ANKRD2: variants seen among roughly 807,000 people sequenced by gnomAD.
The protein encoded by ANKRD2 is ankyrin repeat domain 2.
ANKRD2 carries 35 observed loss-of-function variants against 37.3 expected under a neutral mutation model. The ratio of observed to expected loss-of-function variants is 0.94; its 90% confidence interval spans 0.72 to 1.24. The LOEUF (loss-of-function observed/expected upper bound fraction) is 1.24, where lower values mean the gene tolerates loss of function less well. Ranked by LOEUF, ANKRD2 falls within the 50% of genes most tolerant of loss-of-function variation. ANKRD2 has a pLI of 0.00. For synonymous variants in ANKRD2, 159 were observed against 186.5 expected, an observed-to-expected ratio of 0.85 and a Z score of 1.20; for missense variants, 410 against 445.6, an observed-to-expected ratio of 0.92 and a Z score of 0.72.
chr10:97,573,385 G>A (rs1013485649), intron 1 of ANKRD2, among the ~76,000 whole-genome samples: 4 of 152,124 alleles, frequency 2.6e-5, no homozygotes, highest in African/African-American at 9.7e-5. Context: ...TTTTCTCTGG[G>A]ATAAGGAAGT....
At chr10:97,580,335 C>T (rs1331500229) in intron 4 of ANKRD2, among the ~76,000 whole-genome samples, 1 of 152,142 alleles carries the variant, frequency 6.6e-6, no homozygotes, top group African/African-American at 2.4e-5. Flanking sequence ...AAGTCCAAGG[C>T]AGAAAGGAGA....
chr10:97,583,787 G>A lies in ANKRD2; in HGVS notation c.*62G>A. The stretch of plus-strand genomic sequence containing the variant: ...TCTGTGTGCAGCCGGAGGGTCCTAA[G>A]AATGGCTCCCGGAGCTAACTGAGGG... On this transcript the variant is annotated 3_prime_UTR_variant, in exon 9 of 9. Transcript: ENST00000370655. 3.5e-6 allele frequency: 5 copies of A among 1,432,198 alleles called. No individual in the cohort carries two copies. The highest frequency in any genetic ancestry group is 4.6e-6 in the Non-Finnish European group (5 of 1,091,566). The allele number at this position is 1,432,198 out of a possible 1,614,324, so 88.7% of individuals were successfully genotyped here. A position where few individuals can be genotyped will look rare whatever the true frequency, so the allele number is the denominator to read the frequency against.
At chr10:97,573,553 A>C (rs2040786431) in intron 1 of ANKRD2, among the ~76,000 whole-genome samples, 1 of 151,886 alleles carries the variant, frequency 6.6e-6, no homozygotes. Context: ...CAGCCTCCCG[A>C]GTAGCTGGGA....
intron 2 of ANKRD2, 152 bp downstream of exon 2, chr10:97,578,053 C>A: frequency 9.2e-7 from 1 of 1,081,384 alleles, no homozygotes; most frequent in Non-Finnish European, 1.3e-6. Flanking sequence ...CGTCCCAGAA[C>A]TACTGAGTCA....
At chr10:97,578,211 C>G (rs749758487) in intron 2 of ANKRD2, 29 bp from the exon 3 acceptor site, 2 of 1,604,648 alleles carry the variant, frequency 1.2e-6, no homozygotes, top group African/African-American at 1.3e-5. Context: ...TCTGCCCGGC[C>G]TGGGGGGTTG....
chr10:97,578,641 T>C, intron 4 of ANKRD2, 36 bp downstream of exon 4: 1 of 1,484,416 alleles, frequency 6.7e-7, no homozygotes, highest in Non-Finnish European at 9.1e-7. Context: ...AGCCTCCCTG[T>C]CAGTTGCCAC....
At chr10:97,579,780 G>C (rs924474096) in intron 4 of ANKRD2, among the ~76,000 whole-genome samples, 1 of 151,942 alleles carries the variant, frequency 6.6e-6, no homozygotes, top group African/African-American at 2.4e-5. Context: ...TAGAGACAAG[G>C]TTTCAACATG....
At chr10:97,578,144 G>GGCCCCCCCCCC in intron 2 of ANKRD2, 96 bp from the exon 3 acceptor site, 4 of 685,436 alleles carry the variant, frequency 5.8e-6, no homozygotes, top group East Asian at 2.7e-5. Flanking sequence ...GGGTCTTCCT[G>GGCCCCCCCCCC]CCCACCCCAC....
intron 6 of ANKRD2, 98 bp downstream of exon 6, chr10:97,581,512 T>A: frequency 8.3e-7 from 1 of 1,199,358 alleles, no homozygotes. Flanking sequence ...AGGAAGGTAG[T>A]GAGCTAGTCT....
upstream of ANKRD2, chr10:97,572,681 C>G (rs1451675992): frequency 6.3e-7 from 1 of 1,584,710 alleles, no homozygotes; most frequent in African/African-American, 1.3e-5. Flanking sequence ...GTGGGGGAGG[C>G]AGGTGGAGAA....
intron 1 of ANKRD2, among the ~76,000 whole-genome samples, chr10:97,577,028 C>T (rs577083109): frequency 6.7e-6 from 1 of 149,562 alleles, no homozygotes; most frequent in South Asian, 2.1e-4. Context: ...GTCATTCTCT[C>T]TCTCTCTCAC....
At chr10:97,578,005 C>T in intron 2 of ANKRD2, 104 bp downstream of exon 2, 1 of 1,192,754 alleles carries the variant, frequency 8.4e-7, no homozygotes. Flanking sequence ...AGTTCAGCAC[C>T]CCCGGTAGAG....
At chr10:97,582,755 G>C in intron 8 of ANKRD2, 53 bp downstream of exon 8, 2 of 1,548,740 alleles carry the variant, frequency 1.3e-6, no homozygotes, top group Non-Finnish European at 1.8e-6. Context: ...TCATACAGTG[G>C]AGGTGCTGTC....
intron 4 of ANKRD2, among the ~76,000 whole-genome samples, chr10:97,580,175 G>A (rs1225167436): frequency 6.6e-6 from 1 of 152,068 alleles, no homozygotes; most frequent in African/African-American, 2.4e-5. Context: ...AACAAAAAAA[G>A]CAAAACAAAA....
upstream of ANKRD2, chr10:97,572,682 AGGT>A: frequency 6.3e-7 from 1 of 1,586,330 alleles, no homozygotes; most frequent in Non-Finnish European, 8.6e-7. Context: ...TGGGGGAGGC[AGGT>A]GGAGAATTGG....
chr10:97,573,674 A>G (rs1156283829), intron 1 of ANKRD2, among the ~76,000 whole-genome samples: 1 of 152,072 alleles, frequency 6.6e-6, no homozygotes, highest in Non-Finnish European at 1.5e-5. Flanking sequence ...TGATCCACCC[A>G]CCTTGGCCTC....
intron 3 of ANKRD2, 47 bp downstream of exon 3, chr10:97,578,445 G>C (rs773101791): frequency 1.2e-6 from 2 of 1,607,004 alleles, no homozygotes; most frequent in South Asian, 1.1e-5. Context: ...GGGGGAGCCC[G>C]GGAGGCTTCG....
chr10:97,576,305 G>A (rs2040825654), intron 1 of ANKRD2, among the ~76,000 whole-genome samples: 1 of 152,242 alleles, frequency 6.6e-6, no homozygotes, highest in African/African-American at 2.4e-5. Context: ...GCCTGGTGGG[G>A]ACTGCAGAGA....
At chr10:97,578,726 G>T (rs1368077067) in intron 4 of ANKRD2, 121 bp downstream of exon 4, 2 of 777,644 alleles carry the variant, frequency 2.6e-6, no homozygotes, top group Non-Finnish European at 4.1e-6. Flanking sequence ...CTTTGGATGG[G>T]TGGGTGGCTG....
Sources: allele counts gnomAD v4.1 joint callset (sites outside exome capture counted in the v4.1 genomes callset), GRCh38; gene constraint gnomAD v4.1.1; transcripts MANE v1.5; gene names NCBI Gene and HGNC (gene_info 2026-07-23, HGNC 2026-07-21).